The following GGTA1 variants were observed in gnomAD, a reference collection of about 807,000 sequenced individuals.
The protein encoded by GGTA1 is inactive N-acetyllactosaminide alpha-1,3-galactosyltransferase.
GGTA1 carries 5 observed loss-of-function variants against 2.6 expected under a neutral mutation model. The observed-to-expected ratio is 1.92, with a 90% CI of 1.00 to 4.04. GGTA1 has a LOEUF of 4.04. GGTA1 is among the 30% of genes most tolerant of loss of function. The pLI, the probability that GGTA1 is intolerant of heterozygous loss-of-function variation, is 0.00. For missense variants in GGTA1, 50 were observed against 16.7 expected (o/e 2.99, Z -3.47); for synonymous variants, 17 against 5.0 (o/e 3.38, Z -3.19).
chr9:121,486,540 AG>A (rs1372189067), intron 1 of GGTA1, among the ~76,000 whole-genome samples: 1 of 152,174 alleles, frequency 6.6e-6, no homozygotes, highest in Non-Finnish European at 1.5e-5. Context: ...CTGTTGGGTG[AG>A]GGGGCTGCAC....
At chr9:121,467,099 T>C (rs2065010586) in intron 2 of GGTA1, among the ~76,000 whole-genome samples, 1 of 152,168 alleles carries the variant, frequency 6.6e-6, no homozygotes, top group Admixed American at 6.5e-5. Flanking sequence ...TACAGTAGAT[T>C]TTTTGAACCT....
At chr9:121,447,761 A>C (rs1275766580) in intron 7 of GGTA1, among the ~76,000 whole-genome samples, 2 of 152,124 alleles carry the variant, frequency 1.3e-5, no homozygotes, top group African/African-American at 4.8e-5. Flanking sequence ...TATGGTTAGT[A>C]GGAGAATGAT....
At chr9:121,496,757 A>AGAG (rs369405989) in intron 1 of GGTA1, among the ~76,000 whole-genome samples, 2 of 112,006 alleles carry the variant, frequency 1.8e-5, no homozygotes, top group Non-Finnish European at 4.1e-5. Flanking sequence ...AAAAAAAAAA[A>AGAG]AGAGAGAGAG....
intron 2 of GGTA1, among the ~76,000 whole-genome samples, chr9:121,467,223 C>T (rs1398993215): frequency 6.6e-6 from 1 of 152,126 alleles, no homozygotes; most frequent in African/African-American, 2.4e-5. Context: ...ATTGTAGTTT[C>T]AAAAGGCACA....
intron 1 of GGTA1, among the ~76,000 whole-genome samples, chr9:121,491,488 C>T (rs984801396): frequency 3.9e-5 from 6 of 152,202 alleles, no homozygotes; most frequent in African/African-American, 1.4e-4. Context: ...CCCCCTATAA[C>T]TCCTGAAGGG....
chr9:121,477,578 T>TTC (rs1232477338), intron 1 of GGTA1, among the ~76,000 whole-genome samples: 1 of 139,548 alleles, frequency 7.2e-6, no homozygotes, highest in African/African-American at 2.7e-5. Flanking sequence ...CCTTGCTTTT[T>TTC]TTTTTTTTTT....
At chr9:121,483,373 G>A (rs1042730259) in intron 1 of GGTA1, among the ~76,000 whole-genome samples, 7 of 152,196 alleles carry the variant, frequency 4.6e-5, no homozygotes, top group Admixed American at 1.3e-4. Context: ...TTGGCAGAGA[G>A]TGTGCAAACC....
At chr9:121,482,418 T>C (rs887386258) in intron 1 of GGTA1, among the ~76,000 whole-genome samples, 11 of 151,292 alleles carry the variant, frequency 7.3e-5, no homozygotes, top group Non-Finnish European at 1.3e-4. Context: ...AGGGAATCAA[T>C]ATTGCACCAT....
At chr9:121,461,528 C>T (rs2118672009) in intron 3 of GGTA1, among the ~76,000 whole-genome samples, 1 of 152,262 alleles carries the variant, frequency 6.6e-6, no homozygotes, top group Non-Finnish European at 1.5e-5. Context: ...GGGTAGCCCC[C>T]AGCCCTCAGC....
Position 121,499,694 on chromosome 9 carries a change from T to G in GGTA1, c.-54A>C, listed in dbSNP as rs1829064991. Reference sequence around the variant, plus strand: ...CGCCGAGGGCCGGCGCGCGGTGAGCTGGGCTGAGCAGGACCGCGCCCAGCT... The same window carrying G: ...CGCCGAGGGCCGGCGCGCGGTGAGCGGGGCTGAGCAGGACCGCGCCCAGCT... On this transcript the variant is annotated 5_prime_UTR_variant, in exon 1 of 6. Coordinates refer to ENST00000481799, the MANE Select transcript of GGTA1 (RefSeq NM_001382585.1). The G allele has an allele frequency of 1.3e-5, 2 of 151,774 alleles. No individual in the cohort carries two copies. Among genetic ancestry groups the G allele is most frequent in the Non-Finnish European group, 2.9e-5 (2 of 67,948 alleles). 9.4% of individuals were successfully genotyped at this position (151,774 alleles called of 1,614,324 possible).
intron 1 of GGTA1, among the ~76,000 whole-genome samples, chr9:121,470,809 G>T (rs898846553): frequency 6.6e-6 from 1 of 152,224 alleles, no homozygotes; most frequent in African/African-American, 2.4e-5. Flanking sequence ...AATGAGAGGG[G>T]CTGGAATTCT....
At chr9:121,474,429 T>A (rs2118715387) in intron 1 of GGTA1, among the ~76,000 whole-genome samples, 1 of 152,248 alleles carries the variant, frequency 6.6e-6, no homozygotes, top group South Asian at 2.1e-4. Flanking sequence ...CAAGGCAGGG[T>A]CACATTGTAC....
At chr9:121,467,653 A>G (rs1306806184) in intron 2 of GGTA1, among the ~76,000 whole-genome samples, 190 bp downstream of exon 2, 1 of 152,234 alleles carries the variant, frequency 6.6e-6, no homozygotes, top group African/African-American at 2.4e-5. Context: ...GTAGTTAGCC[A>G]GAAGTCACTT....
intron 7 of GGTA1, among the ~76,000 whole-genome samples, chr9:121,449,607 C>T (rs565161719): frequency 2.5e-4 from 38 of 152,126 alleles, no homozygotes; most frequent in African/African-American, 8.4e-4. Flanking sequence ...TTTGGGAGGC[C>T]GAGGCGGGTG....
intron 1 of GGTA1, among the ~76,000 whole-genome samples, chr9:121,481,013 T>A (rs1828632415): frequency 6.6e-6 from 1 of 151,512 alleles, no homozygotes; most frequent in African/African-American, 2.4e-5. Context: ...ATTAGCCAGG[T>A]GTGGTGGCAG....
At chr9:121,483,928 A>G (rs1828703858) in intron 1 of GGTA1, among the ~76,000 whole-genome samples, 1 of 152,242 alleles carries the variant, frequency 6.6e-6, no homozygotes, top group Non-Finnish European at 1.5e-5. Context: ...TTAGAGAGGT[A>G]GAAAAAGTCC....
chr9:121,452,515 A>T (rs1251776737), downstream of GGTA1, among the ~76,000 whole-genome samples: 5 of 150,100 alleles, frequency 3.3e-5, no homozygotes, highest in Non-Finnish European at 5.9e-5. Flanking sequence ...TTTTTTTTTT[A>T]TTTTTATTTT....
intron 1 of GGTA1, among the ~76,000 whole-genome samples, chr9:121,472,083 C>T (rs530627784): frequency 1.4e-4 from 21 of 152,316 alleles, no homozygotes; most frequent in Non-Finnish European, 2.4e-4. Flanking sequence ...AAACCCAACA[C>T]CTTTTTGTAA....
In GGTA1 at chr9:121,476,994, C is replaced by T. The variant is rs911542750; in HGVS notation, c.-9-9063G>A. On this transcript the variant is annotated intron_variant, in intron 1 of 5. Coordinates refer to ENST00000481799, the MANE Select transcript of GGTA1 (RefSeq NM_001382585.1). The surrounding 1 kb of genome is among the most constrained non-coding windows in gnomAD (Gnocchi z 4.6). The stretch of plus-strand genomic sequence containing the variant: ...GACCTTGTTGAGCACCTGGGCCCCT[C>T]CTCCTTTGGCCTCAAGAAGAAGGAG... 6.6e-6 allele frequency among the ~76,000 whole-genome samples: 1 copy of T among 152,156 alleles called. No homozygotes were observed. The highest frequency in any genetic ancestry group is 2.4e-5 in the African/African-American group (1 of 41,432).
Sources: allele counts gnomAD v4.1 joint callset (sites outside exome capture counted in the v4.1 genomes callset), GRCh38; gene constraint gnomAD v4.1.1; non-coding constraint Gnocchi (gnomAD v3.1); transcripts MANE v1.5; gene names NCBI Gene and HGNC (gene_info 2026-07-23, HGNC 2026-07-21).